The following RNPEP variants were observed in gnomAD, a reference collection of about 807,000 sequenced individuals.
The protein encoded by RNPEP is arginyl aminopeptidase.
Under a neutral mutation model 70.1 loss-of-function variants are expected in RNPEP, and 57 were observed. That is an observed-to-expected ratio of 0.81 (90% CI 0.66 to 1.01). RNPEP has a LOEUF of 1.01. Among genes scored for constraint, RNPEP ranks in the 50% least tolerant of loss-of-function variants. The pLI is 0.00. For missense variants in RNPEP, 787 were observed against 852.4 expected (o/e 0.92, Z 0.96); for synonymous variants, 335 against 357.4 (o/e 0.94, Z 0.71).
At chr1:201,986,883 A>G (rs1683149725) in intron 1 of RNPEP, among the ~76,000 whole-genome samples, 1 of 152,300 alleles carries the variant, frequency 6.6e-6, no homozygotes, top group East Asian at 1.9e-4. Context: ...TAGTATCCAC[A>G]TGATTTATGA....
Position 202,003,381 on chromosome 1 carries a change from C to T in RNPEP, c.1571C>T (p.Ala524Val), listed in dbSNP as rs1448609740. The change falls in exon 9 of 11, where the codon GCC (alanine) becomes GTC (valine). Residue 524 changes from alanine (A) to valine (V), a missense_variant. Physicochemically the swap from Ala to Val is moderately conservative, Grantham distance 64. Coordinates refer to ENST00000295640, the MANE Select transcript of RNPEP (RefSeq NM_020216.4). ...AEELDMKAIE[A>V]VAISPWKTYQ... ...GAGCTGGACATGAAGGCCATTGAAG[C>T]CGTGGCCATCTCTCCCTGGAAGACC... is the stretch of plus-strand genomic sequence containing the variant. 1.9e-6 allele frequency: 3 copies of T among 1,614,140 alleles called. No homozygotes were observed. The highest frequency in any genetic ancestry group is 4.5e-5 in the East Asian group (2 of 44,878).
In RNPEP at chr1:202,001,929, G is replaced by A. The variant is rs942980665; in HGVS notation, c.1426+162G>A. ...CAGAATCCTGGGATTTATTCCACAA[G>A]AATGACTTCTTTTCACTCCTCTCTG... On this transcript the variant is annotated intron_variant, in intron 8 of 10. Transcript: ENST00000295640. Among the ~76,000 whole-genome samples, 27 of 152,080 alleles carry A rather than the reference G, an allele frequency of 1.8e-4. 1 individual carries two copies. Among genetic ancestry groups the A allele is most frequent in the African/African-American group, 6.0e-4 (25 of 41,402 alleles).
Position 202,003,431 on chromosome 1 carries a change from A to G in RNPEP, c.1621A>G (p.Lys541Glu), listed in dbSNP as rs1683916552. The G allele has an allele frequency of 3.7e-6, 6 of 1,613,870 alleles. No homozygotes were observed. Among genetic ancestry groups the G allele is most frequent in the African/African-American group, 2.7e-5 (2 of 75,042 alleles). ...KTYQLVYFLD[K>E]ILQKSPLPPG... is the part of the protein sequence containing the mutation. ...CTACCAGCTGGTCTACTTCCTGGAT[A>G]AGATCCTCCAGAAATCCCCTCTCCC... The change falls in exon 9 of 11, where the codon AAG becomes GAG. Residue 541 changes from lysine (K) to glutamate (E), a missense_variant. By Grantham distance (56) the Lys-to-Glu change is moderately conservative. Coordinates refer to ENST00000295640, the MANE Select transcript of RNPEP (RefSeq NM_020216.4).
At chr1:201,987,128 GC>G (rs1033675468) in intron 1 of RNPEP, among the ~76,000 whole-genome samples, 5 of 152,076 alleles carry the variant, frequency 3.3e-5, no homozygotes, top group African/African-American at 1.2e-4. Flanking sequence ...GCCCAGGCCT[GC>G]CTCCCCAACT....
chr1:201,996,866 C>T (rs1411654865), intron 4 of RNPEP, among the ~76,000 whole-genome samples: 2 of 152,082 alleles, frequency 1.3e-5, no homozygotes, highest in Non-Finnish European at 2.9e-5. Flanking sequence ...CCGTCAAGGT[C>T]CTTTGTTGAC....
Position 202,001,787 on chromosome 1 carries a change from C to A in RNPEP, c.1426+20C>A. The A allele has an allele frequency of 1.4e-6, 2 of 1,384,740 alleles. No homozygotes were observed. The highest frequency in any genetic ancestry group is 2.1e-6 in the Non-Finnish European group (2 of 971,848). The allele number at this position is 1,384,740 out of a possible 1,614,324, so 85.8% of individuals were successfully genotyped here. ...TTCCAGGTAAGCAGAGGAACTGGCC[C>A]ACAGGCTTCTAAAAAATAGTAGAGA... is the stretch of plus-strand genomic sequence containing the variant. On this transcript the variant is annotated intron_variant, in intron 8 of 10. Transcript: ENST00000295640.
At chr1:202,001,969 A>G (rs535544951) in intron 8 of RNPEP, among the ~76,000 whole-genome samples, 7 of 152,136 alleles carry the variant, frequency 4.6e-5, no homozygotes, top group Admixed American at 2.0e-4. Context: ...ATTTTCTCCC[A>G]GTCTGTTTCC....
rs756254224 is a variant in RNPEP at position 201,988,900 on chromosome 1, T to C, written c.448-4T>C. The C allele has an allele frequency of 1.2e-6, 2 of 1,607,358 alleles. No individual in the cohort carries two copies. Among genetic ancestry groups the C allele is most frequent in the Admixed American group, 3.4e-5 (2 of 58,910 alleles). On this transcript the variant is annotated splice_polypyrimidine_tract_variant and splice_region_variant and intron_variant, in intron 1 of 10. Coordinates refer to ENST00000295640, the MANE Select transcript of RNPEP (RefSeq NM_020216.4). ...AGTTCTGAAATGTTCTTCTTTTCGCTTAGGTTTGCTGGTTGGCTCCCGAGC... is the reference window on the plus strand; with the variant it reads ...AGTTCTGAAATGTTCTTCTTTTCGCCTAGGTTTGCTGGTTGGCTCCCGAGC...
At chr1:201,988,286 C>T (rs1443812198) in intron 1 of RNPEP, among the ~76,000 whole-genome samples, 3 of 151,186 alleles carry the variant, frequency 2.0e-5, no homozygotes, top group African/African-American at 4.9e-5. Context: ...ATGGTGAAAC[C>T]CTATCTTTAC....
intron 1 of RNPEP, among the ~76,000 whole-genome samples, chr1:201,987,298 C>T (rs1344674884): frequency 2.6e-5 from 4 of 152,116 alleles, no homozygotes; most frequent in Admixed American, 6.6e-5. Flanking sequence ...CTGGAGTAAT[C>T]GAATCCATTT....
intron 1 of RNPEP, 123 bp from the exon 2 acceptor site, chr1:201,988,781 A>C: frequency 8.3e-7 from 1 of 1,208,054 alleles, no homozygotes; most frequent in East Asian, 2.4e-5. Context: ...TTCAAACCAG[A>C]CTGGCTGGCG....
intron 1 of RNPEP, among the ~76,000 whole-genome samples, chr1:201,986,307 C>T (rs988097583): frequency 5.3e-5 from 8 of 151,986 alleles, no homozygotes; most frequent in Non-Finnish European, 1.2e-4. Flanking sequence ...GTTGCCCAGG[C>T]TGGTCTCAAA....
chr1:202,001,571 G>A (rs1294219302), intron 7 of RNPEP, 83 bp downstream of exon 7: 3 of 1,434,412 alleles, frequency 2.1e-6, no homozygotes, highest in South Asian at 2.3e-5. Context: ...GGCGAAAGAT[G>A]TAAGGGGTTG....
chr1:201,987,778 A>C (rs1245271814), intron 1 of RNPEP, among the ~76,000 whole-genome samples: 1 of 152,034 alleles, frequency 6.6e-6, no homozygotes, highest in Non-Finnish European at 1.5e-5. Context: ...AACACAGATA[A>C]AGAATCATAT....
intron 8 of RNPEP, among the ~76,000 whole-genome samples, chr1:202,002,359 TC>T: frequency 6.6e-6 from 1 of 152,174 alleles, no homozygotes; most frequent in East Asian, 1.9e-4. Flanking sequence ...ACGGGGTTTC[TC>T]CATGTTGGTC....
chr1:202,001,201 A>C (rs1043285135), intron 6 of RNPEP, 175 bp from the exon 7 acceptor site: 1 of 600,500 alleles, frequency 1.7e-6, no homozygotes, highest in Non-Finnish European at 3.0e-6. Context: ...TGGCCTTGAG[A>C]GAGTCCAAGA....
At chr1:202,001,611 AC>A (rs775517592) in intron 7 of RNPEP, 47 bp from the exon 8 acceptor site, 3 of 1,488,598 alleles carry the variant, frequency 2.0e-6, no homozygotes, top group South Asian at 2.3e-5. Context: ...GAGGGACACC[AC>A]TCCCCACGGG....
rs144415236 is a variant in RNPEP at position 202,005,322 on chromosome 1, T to G, written c.1795-236T>G. 2.6e-4 allele frequency among the ~76,000 whole-genome samples: 40 copies of G among 152,264 alleles called. No individual in the cohort carries two copies. In the East Asian group the frequency reaches 7.7e-3, roughly 29 times the overall value. On this transcript the variant is annotated intron_variant, in intron 10 of 10. Coordinates refer to ENST00000295640, the MANE Select transcript of RNPEP (RefSeq NM_020216.4). ...TCATTCATTTTGTTGACTGTAGACGTCCCCATGTTAGTATGGATTGGGACG... is the reference window on the plus strand; with the variant it reads ...TCATTCATTTTGTTGACTGTAGACGGCCCCATGTTAGTATGGATTGGGACG...
intron 3 of RNPEP, among the ~76,000 whole-genome samples, chr1:201,992,425 C>T (rs539324957): frequency 2.0e-5 from 3 of 152,276 alleles, no homozygotes; most frequent in East Asian, 1.9e-4. Context: ...GCCTAGACAT[C>T]GTCATTGTCA....
Sources: gnomAD v4.1 joint callset for allele counts (sites outside exome capture counted in the v4.1 genomes callset) on GRCh38, gnomAD v4.1.1 for gene constraint, MANE v1.5 for transcripts, NCBI Gene and HGNC (gene_info 2026-07-23, HGNC 2026-07-21) for gene names.